The following ITPR1 variants were observed in gnomAD, a reference collection of about 807,000 sequenced individuals.
ITPR1 encodes inositol 1,4,5-trisphosphate-gated calcium channel ITPR1.
A neutral mutation model predicts 318.4 loss-of-function variants in ITPR1; 96 were observed. That is an observed-to-expected ratio of 0.30 (90% CI 0.26 to 0.36). ITPR1 has a LOEUF of 0.36. Among genes scored for constraint, ITPR1 ranks in the 10% least tolerant of loss-of-function variants. The pLI, the probability that ITPR1 is intolerant of heterozygous loss-of-function variation, is 1.00. For synonymous variants in ITPR1, 1,312 were observed against 1,289.9 expected, an observed-to-expected ratio of 1.02 and a Z score of -0.37; for missense variants, 2,440 against 3,460.2, an observed-to-expected ratio of 0.71 and a Z score of 7.40.
chr3:4,685,180 G>C lies in ITPR1; in HGVS notation c.3676G>C (p.Glu1226Gln). The change falls in exon 30 of 62, where the codon GAG becomes CAG. Residue 1226 changes from glutamate to glutamine, a missense_variant. Around this residue, in one of 23 missense-constraint regions of ITPR1, gnomAD observed 222 missense variants for 318.8 expected, o/e 0.70. Coordinates refer to ENST00000649015, the MANE Select transcript of ITPR1 (RefSeq NM_001378452.1). ...RNMGAHAVVL[E>Q]LLQIPYEKAE... ...CATGGGCGCGCACGCCGTGGTGCTG[G>C]AGCTGCTGCAGATTCCCTATGAGAA... 5 of 1,605,478 alleles carry C rather than the reference G, an allele frequency of 3.1e-6. No individual in the cohort carries two copies. Among genetic ancestry groups the C allele is most frequent in the Non-Finnish European group, 4.2e-6 (5 of 1,178,494 alleles).
In ITPR1 at chr3:4,779,690, G is replaced by C. The variant is rs78956048; in HGVS notation, c.6387+45G>C. On this transcript the variant is annotated intron_variant, in intron 49 of 61. Coordinates refer to ENST00000649015, the MANE Select transcript of ITPR1 (RefSeq NM_001378452.1). This position sits in a 1 kb window ranked among gnomAD's most constrained non-coding sequence, Gnocchi z 4.0. ...TGATGGTAGCACCAAGGAGCATTGCGACGATATTTGGGACAGAGCAGAGGA... is the reference window on the plus strand; with the variant it reads ...TGATGGTAGCACCAAGGAGCATTGCCACGATATTTGGGACAGAGCAGAGGA... 8 of 1,354,778 alleles carry C rather than the reference G, an allele frequency of 5.9e-6. No homozygotes were observed. Among genetic ancestry groups the C allele is most frequent in the Non-Finnish European group, 8.5e-6 (8 of 946,712 alleles). The allele number at this position is 1,354,778 out of a possible 1,614,324, so 83.9% of individuals were successfully genotyped here.
Position 4,727,185 on chromosome 3 carries a change from T to G in ITPR1, c.5220+12T>G. 1.9e-6 allele frequency: 3 copies of G among 1,584,118 alleles called. No individual in the cohort carries two copies. Among genetic ancestry groups the G allele is most frequent in the Non-Finnish European group, 2.6e-6 (3 of 1,169,568 alleles). The stretch of plus-strand genomic sequence containing the variant: ...AAGACCATAAAAGGGTACGTAGTCT[T>G]GAGTCTTGGGTATCGGGAGCTAATG... On this transcript the variant is annotated intron_variant, in intron 42 of 61. Transcript: ENST00000649015.
chr3:4,807,615 G>A (rs1019518310), intron 55 of ITPR1, among the ~76,000 whole-genome samples: 3 of 152,118 alleles, frequency 2.0e-5, no homozygotes, highest in South Asian at 2.1e-4. Flanking sequence ...GGAATTCACC[G>A]TTCAGATCAC....
chr3:4,735,138 GT>G, intron 43 of ITPR1, 25 bp from the exon 44 acceptor site: 1 of 1,593,530 alleles, frequency 6.3e-7, no homozygotes, highest in Non-Finnish European at 8.6e-7. Flanking sequence ...ATTGTGCTTA[GT>G]AAAAACAATA....
chr3:4,811,140 G>C (rs905680579), intron 55 of ITPR1, 125 bp from the exon 56 acceptor site: 4 of 551,242 alleles, frequency 7.3e-6, no homozygotes, highest in African/African-American at 5.7e-5. Context: ...TCAGTGTTAA[G>C]ATCATATGTA....
intron 4 of ITPR1, among the ~76,000 whole-genome samples, chr3:4,588,313 G>C (rs1037657674): frequency 6.6e-6 from 1 of 151,700 alleles, no homozygotes; most frequent in East Asian, 1.9e-4. Flanking sequence ...TTTTCTTTGA[G>C]TGTACTTACG....
chr3:4,684,844 CTTG>C (rs1200670984), intron 29 of ITPR1, among the ~76,000 whole-genome samples: 2 of 152,184 alleles, frequency 1.3e-5, no homozygotes, highest in South Asian at 2.1e-4. Flanking sequence ...AACTGTCCCA[CTTG>C]TTGTTGAAGC....
intron 4 of ITPR1, among the ~76,000 whole-genome samples, chr3:4,566,243 C>T (rs2087237432): frequency 6.6e-6 from 1 of 152,144 alleles, no homozygotes; most frequent in African/African-American, 2.4e-5. Context: ...CATTCCTTCC[C>T]CTGTTGGATA....
chr3:4,740,169 G>C (rs906626953), intron 44 of ITPR1, among the ~76,000 whole-genome samples: 2 of 152,110 alleles, frequency 1.3e-5, no homozygotes, highest in Non-Finnish European at 2.9e-5. Flanking sequence ...ACCACCTTTG[G>C]GGACTGGCTT....
At chr3:4,583,132 A>G (rs1201400650) in intron 4 of ITPR1, among the ~76,000 whole-genome samples, 1 of 152,242 alleles carries the variant, frequency 6.6e-6, no homozygotes, top group Non-Finnish European at 1.5e-5. Flanking sequence ...GATCTGCTAC[A>G]ACAGGAAATT....
chr3:4,629,649 T>G (rs1285797608), intron 5 of ITPR1, among the ~76,000 whole-genome samples: 1 of 152,212 alleles, frequency 6.6e-6, no homozygotes, highest in Non-Finnish European at 1.5e-5. Flanking sequence ...GAGATAGAAG[T>G]ATAACAGTCT....
At chr3:4,533,488 G>T (rs1276144681) in intron 4 of ITPR1, among the ~76,000 whole-genome samples, 1 of 152,244 alleles carries the variant, frequency 6.6e-6, no homozygotes, top group Non-Finnish European at 1.5e-5. Flanking sequence ...ATGATTTGGT[G>T]CATGTGTAAC....
chr3:4,795,019 G>A (rs376330090), intron 52 of ITPR1, 46 bp from the exon 53 acceptor site: 310 of 1,540,238 alleles, frequency 2.0e-4, no homozygotes, highest in Non-Finnish European at 2.5e-4. Flanking sequence ...CTGGCGTTCC[G>A]GCTTGGGGTC....
intron 56 of ITPR1, among the ~76,000 whole-genome samples, chr3:4,812,728 C>G (rs1049066421): frequency 6.6e-6 from 1 of 152,214 alleles, no homozygotes; most frequent in African/African-American, 2.4e-5. Context: ...CAAGTTGACA[C>G]TAAGTGACAT....
intron 49 of ITPR1, among the ~76,000 whole-genome samples, chr3:4,780,458 A>G (rs921898762): frequency 8.5e-5 from 13 of 152,084 alleles, no homozygotes; most frequent in African/African-American, 2.9e-4. Context: ...GCAGGTTGGG[A>G]GAGTGTTGCA....
chr3:4,729,199 G>C (rs368505262), intron 42 of ITPR1, among the ~76,000 whole-genome samples: 2 of 152,278 alleles, frequency 1.3e-5, no homozygotes, highest in East Asian at 3.9e-4. Context: ...CCAGATACTA[G>C]CTGTGTGATT....
chr3:4,638,590 T>A (rs1464575873), intron 5 of ITPR1, among the ~76,000 whole-genome samples: 1 of 152,212 alleles, frequency 6.6e-6, no homozygotes, highest in Non-Finnish European at 1.5e-5. Context: ...ATACTATCTC[T>A]GCGACTTAAT....
At chr3:4,628,129 G>T (rs1321360091) in intron 5 of ITPR1, among the ~76,000 whole-genome samples, 1 of 152,156 alleles carries the variant, frequency 6.6e-6, no homozygotes, top group African/African-American at 2.4e-5. Context: ...TGGAGAAGTG[G>T]TTATGAGTAC....
At chr3:4,715,286 A>G (rs1290082907) in intron 39 of ITPR1, among the ~76,000 whole-genome samples, 2 of 152,224 alleles carry the variant, frequency 1.3e-5, no homozygotes, top group African/African-American at 2.4e-5. Context: ...AGTTTCCTTT[A>G]TGTTACACGA....
Sources: gnomAD v4.1 joint callset for allele counts (sites outside exome capture counted in the v4.1 genomes callset) on GRCh38, gnomAD v4.1.1 for gene constraint, gnomAD v4.1.1 regional missense constraint, Gnocchi (gnomAD v3.1) non-coding constraint, MANE v1.5 for transcripts, NCBI Gene and HGNC (gene_info 2026-07-23, HGNC 2026-07-21) for gene names.